The following SDHAF2 variants were observed in gnomAD, a reference collection of about 807,000 sequenced individuals.
SDHAF2 encodes the protein succinate dehydrogenase complex assembly factor 2.
SDHAF2 carries 21 observed loss-of-function variants against 18.5 expected under a neutral mutation model. That is an observed-to-expected ratio of 1.13 (90% confidence interval 0.80 to 1.63). SDHAF2 has a LOEUF of 1.63. Among genes scored for constraint, SDHAF2 ranks in the 40% most tolerant of loss-of-function variants. The pLI, the probability that SDHAF2 is intolerant of heterozygous loss-of-function variation, is 0.00. For missense variants in SDHAF2, 195 were observed against 200.3 expected (o/e 0.97, Z 0.16); for synonymous variants, 84 against 70.7 (o/e 1.19, Z -0.94).
rs907032613 is a variant in SDHAF2, at chr11:61,436,658, A to T, written c.37-967A>T. 6 of 368,654 alleles carry T rather than the reference A, an allele frequency of 1.6e-5. No individual in the cohort carries two copies. In the East Asian group the frequency reaches 3.7e-4, roughly 23 times the overall value. 22.8% of individuals were successfully genotyped at this position (368,654 alleles called of 1,614,324 possible). A position where few individuals can be genotyped will look rare whatever the true frequency, so the allele number is the denominator to read the frequency against. On this transcript the variant is annotated intron_variant, in intron 1 of 3. Transcript: ENST00000301761. The stretch of plus-strand genomic sequence containing the variant: ...TGCTTGAGCAGGGAGGGAAGAGACT[A>T]TGGCAAATGAGTGCTACAAATTTTT...
chr11:61,438,191 A>T (rs555948139), intron 3 of SDHAF2, 78 bp downstream of exon 3: 2 of 1,124,934 alleles, frequency 1.8e-6, no homozygotes, highest in African/African-American at 1.8e-5. Context: ...TATCCTAGAT[A>T]ATTTTTTTCT....
At chr11:61,431,137 G>C (rs568223596) in intron 1 of SDHAF2, 1 of 151,818 alleles carries the variant, frequency 6.6e-6, no homozygotes, top group Admixed American at 6.6e-5. Context: ...CGATTCTTCC[G>C]CCTCAGCCTC....
intron 3 of SDHAF2, among the ~76,000 whole-genome samples, chr11:61,438,575 T>G (rs2134893725): frequency 6.6e-6 from 1 of 152,246 alleles, no homozygotes; most frequent in Middle Eastern, 3.4e-3. Context: ...TGTACAAAAT[T>G]TATCAGTTAA....
intron 3 of SDHAF2, among the ~76,000 whole-genome samples, chr11:61,440,137 A>G (rs889349046): frequency 2.0e-5 from 3 of 151,956 alleles, no homozygotes; most frequent in Non-Finnish European, 4.4e-5. Context: ...CAGCATGACA[A>G]TACCCCGTCT....
Position 61,446,029 on chromosome 11 carries a change from G to C in SDHAF2, c.459G>C (p.Leu153=), listed in dbSNP as rs757151603. 5.0e-6 allele frequency: 8 copies of C among 1,614,210 alleles called. No homozygotes were observed. Among genetic ancestry groups the C allele is most frequent in the Non-Finnish European group, 5.1e-6 (6 of 1,180,040 alleles). ...AAAACAAAAACAAAGAGCAGAGACT[G>C]CGTGCCCCAGATCTTGAGTACCTCT... ...FAKNKNKEQR[L]RAPDLEYLFE... The change falls in exon 4 of 4, where the codon CTG becomes CTC. Residue 153 remains leucine (L), a synonymous_variant. Transcript: ENST00000301761.
chr11:61,446,691 G>A lies in SDHAF2; in HGVS notation c.*620G>A. The A allele has an allele frequency of 2.5e-6, 1 of 399,424 alleles. No individual in the cohort carries two copies. Among genetic ancestry groups the A allele is most frequent in the Admixed American group, 4.4e-5 (1 of 22,856 alleles). 24.7% of individuals were successfully genotyped at this position (399,424 alleles called of 1,614,324 possible). A position where few individuals can be genotyped will look rare whatever the true frequency, so the allele number is the denominator to read the frequency against. ...GGGCTTTCTTTAAAACGTGCACTTTGTAATTTGAAAGAGAATTATTAAAGC... is the reference window on the plus strand; with the variant it reads ...GGGCTTTCTTTAAAACGTGCACTTTATAATTTGAAAGAGAATTATTAAAGC... On this transcript the variant is annotated 3_prime_UTR_variant, in exon 4 of 4. Transcript: ENST00000301761.
At chr11:61,439,127 A>T (rs1169854832) in intron 3 of SDHAF2, among the ~76,000 whole-genome samples, 2 of 152,180 alleles carry the variant, frequency 1.3e-5, no homozygotes, top group African/African-American at 4.8e-5. Context: ...TTTGGCTATG[A>T]GTAAAAAAAC....
intron 3 of SDHAF2, among the ~76,000 whole-genome samples, chr11:61,445,006 C>T (rs1862121279): frequency 6.6e-6 from 1 of 152,072 alleles, no homozygotes; most frequent in Non-Finnish European, 1.5e-5. Flanking sequence ...CAACTTTCTA[C>T]TTTCTTGGGG....
At chr11:61,440,824 T>TA (rs1260456105) in intron 3 of SDHAF2, among the ~76,000 whole-genome samples, 3 of 152,186 alleles carry the variant, frequency 2.0e-5, no homozygotes, top group Non-Finnish European at 4.4e-5. Context: ...AATAAAACCT[T>TA]ATTTGTGGAC....
At chr11:61,436,556 C>T (rs564949286) in intron 1 of SDHAF2, among the ~76,000 whole-genome samples, 4 of 152,288 alleles carry the variant, frequency 2.6e-5, no homozygotes, top group African/African-American at 7.2e-5. Flanking sequence ...CCCAAAAGTC[C>T]GAACATTATA....
At chr11:61,442,802 G>A (rs1862085347) in intron 3 of SDHAF2, among the ~76,000 whole-genome samples, 1 of 152,176 alleles carries the variant, frequency 6.6e-6, no homozygotes, top group African/African-American at 2.4e-5. Context: ...CACCAAGGCT[G>A]GAGAGCAGTG....
chr11:61,442,359 A>C (rs1329438977), intron 3 of SDHAF2, among the ~76,000 whole-genome samples: 2 of 152,190 alleles, frequency 1.3e-5, no homozygotes, highest in African/African-American at 2.4e-5. Context: ...GGTTACCTTC[A>C]GTGCATCACC....
chr11:61,441,307 C>T (rs1249515152), intron 3 of SDHAF2, among the ~76,000 whole-genome samples: 9 of 151,960 alleles, frequency 5.9e-5, no homozygotes, highest in African/African-American at 1.7e-4. Flanking sequence ...CTGAGGTGGG[C>T]GGATCACGAG....
intron 3 of SDHAF2, among the ~76,000 whole-genome samples, chr11:61,440,913 C>T (rs902476142): frequency 6.6e-6 from 1 of 152,092 alleles, no homozygotes; most frequent in Non-Finnish European, 1.5e-5. Flanking sequence ...ATTAAAAAAT[C>T]ATTCTTGGCT....
At chr11:61,442,259 T>C (rs1038192745) in intron 3 of SDHAF2, among the ~76,000 whole-genome samples, 3 of 152,210 alleles carry the variant, frequency 2.0e-5, no homozygotes, top group Admixed American at 2.0e-4. Context: ...TTTTTTCTTC[T>C]GTTAAATAGA....
rs975550673 is a variant in SDHAF2 at position 61,436,446 on chromosome 11, C to G, written c.37-1179C>G. On this transcript the variant is annotated intron_variant, in intron 1 of 3. Coordinates refer to ENST00000301761, the MANE Select transcript of SDHAF2 (RefSeq NM_017841.4). The stretch of plus-strand genomic sequence containing the variant: ...GATGAGGGAGTGAGTGCTTGCCAGT[C>G]TAAACTGTCACCTTTGTTCTCCATG... Among the ~76,000 whole-genome samples the G allele has an allele frequency of 3.3e-5, 5 of 152,202 alleles. No homozygotes were observed. In the East Asian group the frequency reaches 7.7e-4, roughly 23 times the overall value.
Position 61,445,932 on chromosome 11 carries a change from C to G in SDHAF2, c.371-9C>G. The stretch of plus-strand genomic sequence containing the variant: ...GGCATAATTTTTTCTGCCCACTCTT[C>G]TCTTGCAGAAGCTAAACCAGCCCCA... On this transcript the variant is annotated splice_polypyrimidine_tract_variant and intron_variant, in intron 3 of 3. Coordinates refer to ENST00000301761, the MANE Select transcript of SDHAF2 (RefSeq NM_017841.4). 1 of 1,614,158 alleles carries G rather than the reference C, an allele frequency of 6.2e-7. No homozygotes were observed. The highest frequency in any genetic ancestry group is 8.5e-7 in the Non-Finnish European group (1 of 1,180,040).
In SDHAF2 at chr11:61,446,204, G is replaced by A. The variant is rs1862136252; in HGVS notation, c.*133G>A. On this transcript the variant is annotated 3_prime_UTR_variant, in exon 4 of 4. Transcript: ENST00000301761. ...GACCACTGGTCCTGCCTCAAGTGAT[G>A]GACATAACCCTCTCCTAGGACATAC... 5.3e-6 allele frequency: 5 copies of A among 942,348 alleles called. No homozygotes were observed. The highest frequency in any genetic ancestry group is 2.4e-5 in the East Asian group (1 of 41,600). The allele number at this position is 942,348 out of a possible 1,614,324, so 58.4% of individuals were successfully genotyped here. A position where few individuals can be genotyped will look rare whatever the true frequency, so the allele number is the denominator to read the frequency against.
intron 3 of SDHAF2, among the ~76,000 whole-genome samples, chr11:61,442,234 T>C (rs1474601267): frequency 1.3e-5 from 2 of 152,160 alleles, no homozygotes; most frequent in Non-Finnish European, 2.9e-5. Context: ...GATATAGAAT[T>C]CGAGGGTCAC....
Sources: allele counts gnomAD v4.1 joint callset (sites outside exome capture counted in the v4.1 genomes callset), GRCh38; gene constraint gnomAD v4.1.1; transcripts MANE v1.5; gene names NCBI Gene and HGNC (gene_info 2026-07-23, HGNC 2026-07-21).